LRRTM4: variants seen among roughly 807,000 people sequenced by gnomAD.
The protein encoded by LRRTM4 is leucine rich repeat transmembrane neuronal 4.
In LRRTM4, 25 loss-of-function variants were observed where a neutral mutation model predicts 47.6. The ratio of observed to expected loss-of-function variants is 0.53; its 90% CI spans 0.38 to 0.73. The LOEUF is 0.73. Among genes scored for constraint, LRRTM4 ranks in the 30% least tolerant of loss-of-function variants. LRRTM4 has a pLI of 0.00. For synonymous variants in LRRTM4, 311 were observed against 269.5 expected (o/e 1.15, Z -1.51); for missense variants, 638 against 713.4 (o/e 0.89, Z 1.20).
intron 3 of LRRTM4, among the ~76,000 whole-genome samples, chr2:76,958,617 G>A (rs1222324919): frequency 6.6e-6 from 1 of 151,424 alleles, no homozygotes; most frequent in East Asian, 2.0e-4. Flanking sequence ...GTGCAGATTC[G>A]AGGGTCTTCA....
intron 3 of LRRTM4, among the ~76,000 whole-genome samples, chr2:76,850,309 T>A (rs896319610): frequency 1.3e-5 from 2 of 152,148 alleles, no homozygotes; most frequent in African/African-American, 2.4e-5. Context: ...CATAAAGAGA[T>A]GCATATTCTG....
rs1253961473 is a variant in LRRTM4, at chr2:76,841,582, T to C, written c.1552-92666A>G. Among the ~76,000 whole-genome samples the C allele has an allele frequency of 4.6e-5, 7 of 151,378 alleles. No homozygotes were observed. In the East Asian group the frequency reaches 1.4e-3, roughly 29 times the overall value. On this transcript the variant is annotated intron_variant, in intron 3 of 3. Transcript: ENST00000409884. ...TAAATCCTTAAATTTAAATGCAATA[T>C]AATTTCACTGGTTATTAGTATTCAA...
At chr2:76,758,736 C>T (rs1673150879) in intron 3 of LRRTM4, among the ~76,000 whole-genome samples, 1 of 152,062 alleles carries the variant, frequency 6.6e-6, no homozygotes, top group African/African-American at 2.4e-5. Flanking sequence ...AGTGAATTTG[C>T]CATAATAGTT....
At chr2:76,802,761 C>G (rs1675767339) in intron 3 of LRRTM4, among the ~76,000 whole-genome samples, 1 of 152,062 alleles carries the variant, frequency 6.6e-6, no homozygotes, top group Non-Finnish European at 1.5e-5. Flanking sequence ...GTATTAAAAA[C>G]AGACACATAG....
chr2:77,195,370 G>A (rs565859282), intron 3 of LRRTM4, among the ~76,000 whole-genome samples: 1 of 151,878 alleles, frequency 6.6e-6, no homozygotes, highest in Non-Finnish European at 1.5e-5. Flanking sequence ...TTTCTGGAGG[G>A]ATGATTTATA....
chr2:77,516,698 A>C (rs1484030889), intron 3 of LRRTM4: 5 of 971,264 alleles, frequency 5.1e-6, no homozygotes, highest in Non-Finnish European at 6.1e-6. Context: ...TTTAATTTTT[A>C]AGGGCAATTG....
At chr2:77,396,404 C>T (rs1573358514) in intron 3 of LRRTM4, among the ~76,000 whole-genome samples, 1 of 151,918 alleles carries the variant, frequency 6.6e-6, no homozygotes, top group East Asian at 1.9e-4. Flanking sequence ...AAGGTTTTTA[C>T]AGGTAGGAAG....
At chr2:77,184,969 A>G (rs552755603) in intron 3 of LRRTM4, among the ~76,000 whole-genome samples, 1 of 151,788 alleles carries the variant, frequency 6.6e-6, no homozygotes, top group East Asian at 1.9e-4. Context: ...GTAATTAAAG[A>G]AACTCTTTGT....
intron 3 of LRRTM4, among the ~76,000 whole-genome samples, chr2:76,851,342 A>G (rs1671988515): frequency 6.6e-6 from 1 of 152,116 alleles, no homozygotes; most frequent in African/African-American, 2.4e-5. Flanking sequence ...CAACCACTTT[A>G]CCTTTATTGA....
intron 3 of LRRTM4, among the ~76,000 whole-genome samples, chr2:77,446,276 G>T (rs538523681): frequency 1.3e-5 from 2 of 151,832 alleles, no homozygotes; most frequent in African/African-American, 4.8e-5. Context: ...TTTGTGTATT[G>T]TAGGATGTAC....
intron 3 of LRRTM4, among the ~76,000 whole-genome samples, chr2:77,231,412 G>A (rs1159096185): frequency 2.0e-5 from 3 of 152,102 alleles, no homozygotes; most frequent in Admixed American, 2.0e-4. Flanking sequence ...GCAGAGATTA[G>A]CAAACTATAT....
chr2:77,268,842 G>A (rs940979464), intron 3 of LRRTM4, among the ~76,000 whole-genome samples: 1 of 152,048 alleles, frequency 6.6e-6, no homozygotes, highest in East Asian at 1.9e-4. Context: ...TCAAAGTGTG[G>A]TTTCTGGACC....
At chr2:76,838,014 C>T (rs1055736665) in intron 3 of LRRTM4, among the ~76,000 whole-genome samples, 1 of 151,502 alleles carries the variant, frequency 6.6e-6, no homozygotes, top group Non-Finnish European at 1.5e-5. Context: ...TGCAGCACAC[C>T]AGCATGGCAC....
At chr2:77,393,341 G>T (rs920023538) in intron 3 of LRRTM4, among the ~76,000 whole-genome samples, 1 of 151,852 alleles carries the variant, frequency 6.6e-6, no homozygotes, top group Non-Finnish European at 1.5e-5. Context: ...AGTCCTATTC[G>T]ACAACTGTTA....
At chr2:76,910,108 A>T (rs1474729644) in intron 3 of LRRTM4, among the ~76,000 whole-genome samples, 1 of 152,176 alleles carries the variant, frequency 6.6e-6, no homozygotes, top group East Asian at 1.9e-4. Context: ...AATGTCCAAC[A>T]ATGATAGACT....
chr2:77,412,064 A>G (rs977057583), intron 3 of LRRTM4, among the ~76,000 whole-genome samples: 2 of 152,048 alleles, frequency 1.3e-5, no homozygotes, highest in African/African-American at 4.8e-5. Context: ...TGAGTTCTTT[A>G]AGAATGGACC....
chr2:76,874,817 C>A (rs980902597), intron 3 of LRRTM4, among the ~76,000 whole-genome samples: 3 of 151,410 alleles, frequency 2.0e-5, no homozygotes, highest in African/African-American at 7.3e-5. Flanking sequence ...ATGTTGTTAA[C>A]AGTGGCAGTT....
At chr2:76,968,383 T>TACACAC (rs1553437948) in intron 3 of LRRTM4, among the ~76,000 whole-genome samples, 2,450 of 111,350 alleles carry the variant, frequency 0.022, 69 homozygotes, top group African/African-American at 0.061. Context: ...TATATATATA[T>TACACAC]ACACATACAT....
At chr2:77,251,157 A>G (rs1287144339) in intron 3 of LRRTM4, among the ~76,000 whole-genome samples, 1 of 37,346 alleles carries the variant, frequency 2.7e-5, no homozygotes, top group Non-Finnish European at 6.8e-5. Flanking sequence ...GTGTGTATAT[A>G]TACATATATA....
Sources: allele counts gnomAD v4.1 joint callset (sites outside exome capture counted in the v4.1 genomes callset), GRCh38; gene constraint gnomAD v4.1.1; transcripts MANE v1.5; gene names NCBI Gene and HGNC (gene_info 2026-07-23, HGNC 2026-07-21).